AGAP2: variants seen among roughly 807,000 people sequenced by gnomAD.
AGAP2 encodes the protein ArfGAP with GTPase domain, ankyrin repeat and PH domain 2.
AGAP2 carries 32 observed loss-of-function variants against 110.9 expected under a neutral mutation model. That is an observed-to-expected ratio of 0.29 (90% CI 0.22 to 0.39). The LOEUF is 0.39. Among genes scored for constraint, AGAP2 ranks in the 10% least tolerant of loss-of-function variants. The probability of loss-of-function intolerance (pLI) is 1.00; values close to 1 mark genes in which losing one functional copy is unlikely to be tolerated. For synonymous variants in AGAP2, 702 were observed against 713.0 expected (o/e 0.98, Z 0.25); for missense variants, 1,285 against 1,638.5 (o/e 0.78, Z 3.72).
upstream of AGAP2, chr12:57,741,856 T>G: frequency 6.3e-7 from 1 of 1,583,680 alleles, no homozygotes; most frequent in Non-Finnish European, 8.6e-7. Context: ...AGCTAAACCT[T>G]CTATGCACCT....
In AGAP2 at chr12:57,735,386, T is replaced by C; in HGVS notation, c.1210A>G (p.Ile404Val). ...NSQEWTLSRS[I>V]PELRLGVLGD... ...TTACCTACCAGGCGCAGTTCAGGAA[T>C]GGAGCGGCTCAAAGTCCATTCCTGG... The change falls in exon 2 of 19, where the codon ATT becomes GTT. Residue 404 changes from isoleucine to valine, a missense_variant. Physicochemically the swap from Ile to Val is conservative, Grantham distance 29. Transcript: ENST00000547588. 1 of 1,613,940 alleles carries C rather than the reference T, an allele frequency of 6.2e-7. No homozygotes were observed. Among genetic ancestry groups the C allele is most frequent in the African/African-American group, 1.3e-5 (1 of 75,006 alleles).
chr12:57,731,151 G>A (rs539887393), intron 10 of AGAP2, among the ~76,000 whole-genome samples, 198 bp from the exon 11 acceptor site: 4 of 152,312 alleles, frequency 2.6e-5, no homozygotes, highest in African/African-American at 9.6e-5. Flanking sequence ...CTTCCTGGGT[G>A]CTCTCCCACT....
rs1478463735 is a variant in AGAP2 at position 57,732,938 on chromosome 12, G to A, written c.1591C>T (p.Arg531Cys). The A allele has an allele frequency of 3.1e-6, 5 of 1,613,940 alleles. No individual in the cohort carries two copies. Among genetic ancestry groups the A allele is most frequent in the East Asian group, 2.2e-5 (1 of 44,878 alleles). ...ATGTCCGCGCACAGAGCTCTGGCAC[G>A]AGCATCTCCCACCACCCGAGGGGAG... ...ASSPRVVGDA[R>C]ARALCADMKR... is the part of the protein sequence containing the mutation. The change falls in exon 6 of 19, where the codon CGT (arginine) becomes TGT (cysteine). Residue 531 changes from arginine (R) to cysteine (C), a missense_variant. Around this residue, in one of 7 missense-constraint regions of AGAP2, gnomAD observed 844 missense variants for 941.2 expected, o/e 0.90. Coordinates refer to ENST00000547588, the MANE Select transcript of AGAP2 (RefSeq NM_001122772.3).
At position 57,734,175 on chromosome 12, in the gene AGAP2, T is replaced by A; in HGVS notation, c.1402-2A>T. 1 of 1,607,368 alleles carries A rather than the reference T, an allele frequency of 6.2e-7. No homozygotes were observed. Among genetic ancestry groups the A allele is most frequent in the Non-Finnish European group, 8.5e-7 (1 of 1,175,558 alleles). ...CACAGCATCTGCCCAGCCTGAGAACTTGCGGGGAGTGAGGGAGCAAATGGA... is the reference window on the plus strand; with the variant it reads ...CACAGCATCTGCCCAGCCTGAGAACATGCGGGGAGTGAGGGAGCAAATGGA... On this transcript the variant is annotated splice_acceptor_variant, in intron 4 of 18. Coordinates refer to ENST00000547588, the MANE Select transcript of AGAP2 (RefSeq NM_001122772.3). LOFTEE classifies it high-confidence loss of function.
Position 57,728,074 on chromosome 12 carries a change from C to T in AGAP2, c.2629G>A (p.Glu877Lys). The T allele has an allele frequency of 6.3e-7, 1 of 1,595,950 alleles. No individual in the cohort carries two copies. The highest frequency in any genetic ancestry group is 8.5e-7 in the Non-Finnish European group (1 of 1,171,114). The change falls in exon 15 of 19, where the codon GAG becomes AAG. Residue 877 changes from glutamate to lysine, a missense_variant. Glu to Lys is a moderately conservative substitution (Grantham distance 56, BLOSUM62 1). Around this residue, in one of 7 missense-constraint regions of AGAP2, gnomAD observed 135 missense variants for 182.0 expected, o/e 0.74. Transcript: ENST00000547588. Reference sequence around the variant, plus strand: ...CCCGTGCTGGACACGATCAGGAACTCAAAGTTTTCCTCTGAGTGGGGGATG... The same window carrying T: ...CCCGTGCTGGACACGATCAGGAACTTAAAGTTTTCCTCTGAGTGGGGGATG... ...RNIYKAEENFEFLIVSSTGQT... is the reference protein window; with the variant it reads ...RNIYKAEENFKFLIVSSTGQT...
In AGAP2 at chr12:57,737,107, C is replaced by T. The variant is rs140327485; in HGVS notation, c.1140G>A (p.Leu380=). The T allele has an allele frequency of 1.2e-3, 1,846 of 1,559,098 alleles. 17 individuals carry two copies. In the African/African-American group the frequency reaches 0.023, roughly 19 times the overall value. ...GGGAAGCGCGGAGCTCGGCGCCCAG[C>T]AGCTCCCTGGACCCGCTGCCAGAAG... ...SLSSGSGSRE[L]LGAELRASPK... Residue 380 remains leucine (L), a synonymous_variant, in exon 1 of 19, where the codon CTG becomes CTA. Coordinates refer to ENST00000547588, the MANE Select transcript of AGAP2 (RefSeq NM_001122772.3). This position sits in a 1 kb window ranked among gnomAD's most constrained non-coding sequence, Gnocchi z 5.9.
chr12:57,732,160 T>C (rs965473977), intron 7 of AGAP2, among the ~76,000 whole-genome samples, 193 bp from the exon 8 acceptor site: 1 of 152,252 alleles, frequency 6.6e-6, no homozygotes, highest in South Asian at 2.1e-4. Flanking sequence ...GATTCACAAG[T>C]ATTGTGTCAT....
rs544508946 is a variant in AGAP2 at position 57,731,959 on chromosome 12, G to T, written c.1803C>A (p.Asn601Lys). 1.2e-6 allele frequency: 2 copies of T among 1,613,490 alleles called. No individual in the cohort carries two copies. Among genetic ancestry groups the T allele is most frequent in the South Asian group, 2.2e-5 (2 of 90,946 alleles). Residue 601 changes from asparagine to lysine, a missense_variant, in exon 8 of 19, where the codon AAC becomes AAA. Physicochemically the swap from Asn to Lys is moderately conservative, Grantham distance 94. Around this residue, in one of 7 missense-constraint regions of AGAP2, gnomAD observed 844 missense variants for 941.2 expected, o/e 0.90. Coordinates refer to ENST00000547588, the MANE Select transcript of AGAP2 (RefSeq NM_001122772.3). ...ASTPVAGQAS[N>K]GGHTSDYSSS... ...AAGAGTAGTCGCTAGTGTGGCCCCC[G>T]TTACTAGCCTGGGCACATATGGAAG...
At position 57,728,333 on chromosome 12, in the gene AGAP2, T is replaced by G. The variant is rs1954814639; in HGVS notation, c.2602A>C (p.Asn868His). ...WKLKSFGSLRNIYKAEENFEF... is the reference protein window; with the variant it reads ...WKLKSFGSLRHIYKAEENFEF... ...CACTTGTTACCTGCTTTATAAATAT[T>G]TCTTAAACTACCAAAGGATTTTAGT... The change falls in exon 14 of 19, where the codon AAT (asparagine) becomes CAT (histidine). Residue 868 changes from asparagine (N) to histidine (H), a missense_variant. Physicochemically the swap from Asn to His is moderately conservative, Grantham distance 68. Transcript: ENST00000547588. The G allele has an allele frequency of 6.2e-7, 1 of 1,613,994 alleles. No homozygotes were observed. Among genetic ancestry groups the G allele is most frequent in the Non-Finnish European group, 8.5e-7 (1 of 1,179,898 alleles).
rs997318011 is a variant in AGAP2, at chr12:57,726,291, C to T, written c.*261G>A. The stretch of plus-strand genomic sequence containing the variant: ...GACCTCCCCTTCCGCGAACCCCGAG[C>T]GGGTAGACCCAGAGCAATCCGAGTG... On this transcript the variant is annotated 3_prime_UTR_variant, in exon 19 of 19. Transcript: ENST00000547588. The surrounding 1 kb of genome is among the most constrained non-coding windows in gnomAD (Gnocchi z 5.7). The T allele has an allele frequency of 1.2e-5, 3 of 245,222 alleles. No individual in the cohort carries two copies. The highest frequency in any genetic ancestry group is 1.5e-5 in the Non-Finnish European group (2 of 130,464). 15.2% of individuals were successfully genotyped at this position (245,222 alleles called of 1,614,324 possible). A position where few individuals can be genotyped will look rare whatever the true frequency, so the allele number is the denominator to read the frequency against.
At position 57,729,654 on chromosome 12, in the gene AGAP2, C is replaced by A. The variant is rs1364617579; in HGVS notation, c.2542G>T (p.Ala848Ser). The A allele has an allele frequency of 6.2e-7, 1 of 1,612,932 alleles. No individual in the cohort carries two copies. The highest frequency in any genetic ancestry group is 1.1e-5 in the South Asian group (1 of 91,032). Residue 848 changes from alanine (A) to serine (S), a missense_variant, in exon 13 of 19, where the codon GCT (alanine) becomes TCT (serine). Ala to Ser is a moderately conservative substitution (Grantham distance 99). Transcript: ENST00000547588. ...LTTPSKTEGS[A>S]GQAEAKRKMW... ...AGAGCCTCACCTTCAGCCTGCCCAG[C>A]CGAGCCTTCAGTCTTGGATGGTGTT...
chr12:57,741,224 C>T (rs1363825152), upstream of AGAP2, among the ~76,000 whole-genome samples: 1 of 152,152 alleles, frequency 6.6e-6, no homozygotes, highest in Non-Finnish European at 1.5e-5. Flanking sequence ...ATGGTGTTGC[C>T]ATGGCAGCAT....
chr12:57,733,974 T>C (rs566265864), intron 5 of AGAP2, 52 bp downstream of exon 5: 4 of 1,516,910 alleles, frequency 2.6e-6, no homozygotes, highest in African/African-American at 2.8e-5. Context: ...AATATCCCAG[T>C]AGCCTCCTTA....
Position 57,734,024 on chromosome 12 carries a change from A to G in AGAP2, c.1549+2T>C. 3 of 1,576,038 alleles carry G rather than the reference A, an allele frequency of 1.9e-6. No homozygotes were observed. Among genetic ancestry groups the G allele is most frequent in the East Asian group, 2.2e-5 (1 of 44,548 alleles). On this transcript the variant is annotated splice_donor_variant, in intron 5 of 18. Transcript: ENST00000547588. LOFTEE classifies it high-confidence loss of function. ...AGCAGTGCTTTCCTAACCCCTCCTT[A>G]CCTTGTGTCCCCACCAGTGCCAAGG...
intron 16 of AGAP2, 28 bp from the exon 17 acceptor site, chr12:57,727,610 C>G: frequency 6.3e-7 from 1 of 1,592,894 alleles, no homozygotes; most frequent in Non-Finnish European, 8.5e-7. Flanking sequence ...AGGTCGGCTC[C>G]CAGCCGGGCA....
In AGAP2 at chr12:57,738,288, C is replaced by A; in HGVS notation, c.-42G>T. 1 of 1,452,910 alleles carries A rather than the reference C, an allele frequency of 6.9e-7. No individual in the cohort carries two copies. Among genetic ancestry groups the A allele is most frequent in the South Asian group, 1.3e-5 (1 of 75,544 alleles). 90.0% of individuals were successfully genotyped at this position (1,452,910 alleles called of 1,614,324 possible). ...CGAGCTGGGGAGGGGAGGGGACTCCCCCGGACTGCCTCAGGGGGGCCCGGC... is the reference window on the plus strand; with the variant it reads ...CGAGCTGGGGAGGGGAGGGGACTCCACCGGACTGCCTCAGGGGGGCCCGGC... On this transcript the variant is annotated 5_prime_UTR_variant, in exon 1 of 19. Coordinates refer to ENST00000547588, the MANE Select transcript of AGAP2 (RefSeq NM_001122772.3). The surrounding 1 kb of genome is among the most constrained non-coding windows in gnomAD (Gnocchi z 6.7).
chr12:57,737,180 G>C lies in AGAP2; in HGVS notation c.1067C>G (p.Thr356Arg). 6.3e-7 allele frequency: 1 copy of C among 1,588,920 alleles called. No homozygotes were observed. Among genetic ancestry groups the C allele is most frequent in the Non-Finnish European group, 8.6e-7 (1 of 1,167,886 alleles). The change falls in exon 1 of 19, where the codon ACA becomes AGA. Residue 356 changes from threonine to arginine, a missense_variant. Physicochemically the swap from Thr to Arg is moderately conservative, Grantham distance 71 (BLOSUM62 -1). This residue lies in a region of AGAP2 where 844 missense variants were observed against 941.2 expected (regional missense o/e 0.90). Transcript: ENST00000547588. The surrounding 1 kb of genome is among the most constrained non-coding windows in gnomAD (Gnocchi z 5.9). ...KFISGIFTKS[T>R]GGPPGSGPLP... ...GGGCCCGGAGCCAGGAGGCCCTCCT[G>C]TGCTCTTGGTGAAGATGCCGCTGAT...
In AGAP2 at chr12:57,737,083, G is replaced by A. The variant is rs1171665058; in HGVS notation, c.1164C>T (p.Ser388=). 21 of 1,531,716 alleles carry A rather than the reference G, an allele frequency of 1.4e-5. No homozygotes were observed. The highest frequency in any genetic ancestry group is 2.1e-5 in the Admixed American group (1 of 47,990). The allele number at this position is 1,531,716 out of a possible 1,614,324, so 94.9% of individuals were successfully genotyped here. A position where few individuals can be genotyped will look rare whatever the true frequency, so the allele number is the denominator to read the frequency against. The part of the protein sequence containing the change: ...RELLGAELRA[S]PKAVINSQEW... ...TCAAGCCCTGACTCAACTCACTAGG[G>A]GAAGCGCGGAGCTCGGCGCCCAGCA... The change falls in exon 1 of 19, where the codon TCC becomes TCT. Residue 388 remains serine (S), a synonymous_variant. Coordinates refer to ENST00000547588, the MANE Select transcript of AGAP2 (RefSeq NM_001122772.3). This position sits in a 1 kb window ranked among gnomAD's most constrained non-coding sequence, Gnocchi z 5.9.
chr12:57,740,302 T>C (rs1955062232), upstream of AGAP2, among the ~76,000 whole-genome samples: 3 of 152,088 alleles, frequency 2.0e-5, no homozygotes, highest in Admixed American at 1.3e-4. Context: ...GTCCTGGGGC[T>C]CAGCAGTTTC....
Sources: gnomAD v4.1 joint callset for allele counts (sites outside exome capture counted in the v4.1 genomes callset) on GRCh38, gnomAD v4.1.1 for gene constraint, gnomAD v4.1.1 regional missense constraint, Gnocchi (gnomAD v3.1) non-coding constraint, MANE v1.5 for transcripts, NCBI Gene and HGNC (gene_info 2026-07-23, HGNC 2026-07-21) for gene names.